SLC14A2: variants seen among roughly 807,000 people sequenced by gnomAD.
The protein encoded by SLC14A2 is solute carrier family 14 member 2.
In SLC14A2, 91 loss-of-function variants were observed where a neutral mutation model predicts 104.6. That is an observed-to-expected ratio of 0.87 (90% CI 0.73 to 1.04). SLC14A2 has a LOEUF of 1.04. Among genes scored for constraint, SLC14A2 ranks in the 50% least tolerant of loss-of-function variants. The pLI is 0.00. For missense variants in SLC14A2, 1,189 were observed against 1,156.0 expected (o/e 1.03, Z -0.41); for synonymous variants, 476 against 466.4 (o/e 1.02, Z -0.27).
chr18:45,470,795 G>T (rs912675387), intron 1 of SLC14A2, among the ~76,000 whole-genome samples: 23 of 151,938 alleles, frequency 1.5e-4, no homozygotes, highest in African/African-American at 5.1e-4. Flanking sequence ...TGATATTTCT[G>T]CTAATCTCAA....
At chr18:45,557,523 T>C (rs988915577) in intron 2 of SLC14A2, among the ~76,000 whole-genome samples, 1 of 152,236 alleles carries the variant, frequency 6.6e-6, no homozygotes, top group African/African-American at 2.4e-5. Context: ...CTCGAGCAGC[T>C]GGGTCTGACT....
At chr18:45,173,482 G>T in the SLC14A2 span, among the ~76,000 whole-genome samples, 1 of 146,218 alleles carries the variant, frequency 6.8e-6, no homozygotes, top group South Asian at 2.1e-4. Context: ...CAAAAAGGGA[G>T]AAAAGAAAAA....
At chr18:45,254,611 T>C (rs2084457115) in intron 1 of SLC14A2, among the ~76,000 whole-genome samples, 1 of 152,122 alleles carries the variant, frequency 6.6e-6, no homozygotes, top group Non-Finnish European at 1.5e-5. Flanking sequence ...TGGATTTTGC[T>C]TTTTCTCTGG....
chr18:45,305,493 T>C (rs1009724849), intron 1 of SLC14A2, among the ~76,000 whole-genome samples: 2 of 152,154 alleles, frequency 1.3e-5, no homozygotes, highest in Admixed American at 1.3e-4. Context: ...TTATTATTAA[T>C]ATTAGGCTTT....
At chr18:45,577,163 A>G (rs2044428632) in intron 2 of SLC14A2, among the ~76,000 whole-genome samples, 1 of 152,100 alleles carries the variant, frequency 6.6e-6, no homozygotes, top group Non-Finnish European at 1.5e-5. Flanking sequence ...ATCTCTAGGA[A>G]TTAGCTAACC....
At chr18:45,306,859 C>T (rs908084389) in intron 1 of SLC14A2, among the ~76,000 whole-genome samples, 4 of 152,156 alleles carry the variant, frequency 2.6e-5, no homozygotes, top group African/African-American at 4.8e-5. Context: ...CTTGTTCGGG[C>T]ACTCTTTCTG....
chr18:45,571,756 A>G, intron 2 of SLC14A2, among the ~76,000 whole-genome samples: 1 of 152,246 alleles, frequency 6.6e-6, no homozygotes, highest in East Asian at 1.9e-4. Context: ...GCCTGCCAAG[A>G]CAACGGCAGT....
At chr18:45,295,411 C>T (rs567846783) in intron 1 of SLC14A2, among the ~76,000 whole-genome samples, 9 of 151,994 alleles carry the variant, frequency 5.9e-5, no homozygotes, top group Admixed American at 1.3e-4. Flanking sequence ...GTGACCATGA[C>T]GAGCATTATT....
At chr18:45,547,473 G>C (rs1319739598) in intron 2 of SLC14A2, among the ~76,000 whole-genome samples, 1 of 152,160 alleles carries the variant, frequency 6.6e-6, no homozygotes, top group Non-Finnish European at 1.5e-5. Flanking sequence ...GGCCACTCTG[G>C]AATAAACTAA....
rs538422285 is a variant in SLC14A2, at chr18:45,412,059, C to G, written c.-124-71174C>G. Among the ~76,000 whole-genome samples the G allele has an allele frequency of 1.8e-4, 27 of 152,288 alleles. 2 individuals are homozygous for G. The highest frequency in any genetic ancestry group is 1.7e-3 in the Admixed American group (26 of 15,294). On this transcript the variant is annotated intron_variant, in intron 1 of 20. Coordinates refer to the SLC14A2 transcript ENST00000586448. ...TCAGTATCTGTCTCCCCAAATGAAGCATATGCCCCTAAAAGCAGGAACCAA... is the reference window on the plus strand; with the variant it reads ...TCAGTATCTGTCTCCCCAAATGAAGGATATGCCCCTAAAAGCAGGAACCAA...
intron 1 of SLC14A2, among the ~76,000 whole-genome samples, chr18:45,281,328 TAC>T (rs1007051516): frequency 5.3e-5 from 8 of 152,080 alleles, no homozygotes; most frequent in African/African-American, 1.7e-4. Flanking sequence ...GTTCATACCA[TAC>T]ACACACACGT....
intron 2 of SLC14A2, among the ~76,000 whole-genome samples, chr18:45,607,491 T>C (rs2044891475): frequency 6.6e-6 from 1 of 152,152 alleles, no homozygotes; most frequent in South Asian, 2.1e-4. Context: ...GTTACTTCCT[T>C]TCACCAAGAA....
chr18:45,312,728 G>A (rs771843951), intron 1 of SLC14A2, among the ~76,000 whole-genome samples: 2 of 152,210 alleles, frequency 1.3e-5, no homozygotes, highest in Non-Finnish European at 2.9e-5. Context: ...TTGTGCTATT[G>A]TGCAGGCAAG....
chr18:45,557,214 G>A lies in SLC14A2; in HGVS notation c.-34-67417G>A, dbSNP rs145776769. ...GTCACAGTTCAATAGACATTTGACT[G>A]CTGCAGCTTTGTAACCTGCTTCATT... On this transcript the variant is annotated intron_variant, in intron 2 of 20. Coordinates refer to the SLC14A2 transcript ENST00000586448. Among the ~76,000 whole-genome samples the A allele has an allele frequency of 3.2e-4, 48 of 152,318 alleles. No individual in the cohort carries two copies. The East Asian group carries it at 9.3e-3, about 29-fold the overall frequency.
intron 4 of SLC14A2, among the ~76,000 whole-genome samples, chr18:45,631,376 GCCC>G (rs2045343520): frequency 1.3e-5 from 2 of 152,196 alleles, no homozygotes; most frequent in African/African-American, 4.8e-5. Flanking sequence ...CACAGCCTAT[GCCC>G]CTCACCCGGC....
At chr18:45,383,920 A>C (rs2085866213) in intron 1 of SLC14A2, among the ~76,000 whole-genome samples, 2 of 152,096 alleles carry the variant, frequency 1.3e-5, no homozygotes, top group Admixed American at 6.5e-5. Flanking sequence ...GTGAGGTGAG[A>C]AGGATGAGTG....
At chr18:45,593,583 G>A (rs1475376658) in intron 2 of SLC14A2, among the ~76,000 whole-genome samples, 3 of 132,346 alleles carry the variant, frequency 2.3e-5, no homozygotes, top group Non-Finnish European at 3.1e-5. Flanking sequence ...TCTGCCTCCC[G>A]GGTTCACGCC....
At chr18:45,668,295 T>G in intron 14 of SLC14A2, 54 bp from the exon 15 acceptor site, 1 of 1,598,198 alleles carries the variant, frequency 6.3e-7, no homozygotes, top group South Asian at 1.1e-5. Flanking sequence ...AATAGGAAAA[T>G]GTAAAGGGCC....
At chr18:45,539,726 A>G (rs1052802147) in intron 2 of SLC14A2, among the ~76,000 whole-genome samples, 3 of 152,016 alleles carry the variant, frequency 2.0e-5, no homozygotes, top group African/African-American at 4.8e-5. Context: ...TTTTAATTAC[A>G]TGTGACGAAA....
Sources: gnomAD v4.1 joint callset for allele counts (sites outside exome capture counted in the v4.1 genomes callset) on GRCh38, gnomAD v4.1.1 for gene constraint, MANE v1.5 for transcripts, NCBI Gene and HGNC (gene_info 2026-07-23, HGNC 2026-07-21) for gene names.